GALNT13: variants seen among roughly 807,000 people sequenced by gnomAD.
The protein encoded by GALNT13 is polypeptide N-acetylgalactosaminyltransferase 13.
GALNT13 carries 28 observed loss-of-function variants against 64.2 expected under a neutral mutation model. That is an observed-to-expected ratio of 0.44 (90% CI 0.32 to 0.60). The LOEUF (loss-of-function observed/expected upper bound fraction) is 0.60. Among genes scored for constraint, GALNT13 ranks in the 20% least tolerant of loss-of-function variants. The probability of loss-of-function intolerance (pLI) is 0.05; values close to 1 mark genes in which losing one functional copy is unlikely to be tolerated. For missense variants in GALNT13, 577 were observed against 669.8 expected (o/e 0.86, Z 1.53); for synonymous variants, 214 against 224.6 (o/e 0.95, Z 0.42).
chr2:154,385,061 A>G (rs1344859648), intron 9 of GALNT13, among the ~76,000 whole-genome samples: 2 of 152,004 alleles, frequency 1.3e-5, no homozygotes, highest in African/African-American at 4.8e-5. Flanking sequence ...CAATGGTAAG[A>G]TATCATTGAT....
At chr2:154,161,030 T>C (rs1384976730) in intron 4 of GALNT13, among the ~76,000 whole-genome samples, 3 of 152,182 alleles carry the variant, frequency 2.0e-5, no homozygotes, top group African/African-American at 7.2e-5. Context: ...ACCACATTTA[T>C]CTGTTACCGC....
chr2:153,704,790 T>C, the GALNT13 span, among the ~76,000 whole-genome samples: 1 of 152,182 alleles, frequency 6.6e-6, no homozygotes, highest in Non-Finnish European at 1.5e-5. Context: ...CCAAATATTT[T>C]CATACAGATT....
the GALNT13 span, among the ~76,000 whole-genome samples, chr2:153,255,981 T>A: frequency 5.3e-5 from 8 of 152,180 alleles, no homozygotes; most frequent in Non-Finnish European, 1.0e-4. Context: ...CTTTGTGGCG[T>A]TCTCTGTATT....
intron 4 of GALNT13, among the ~76,000 whole-genome samples, chr2:154,159,735 T>C (rs750528087): frequency 4.6e-5 from 7 of 152,044 alleles, no homozygotes; most frequent in Non-Finnish European, 1.0e-4. Flanking sequence ...AAAAGAGAAA[T>C]TGAAAATAGT....
the GALNT13 span, among the ~76,000 whole-genome samples, chr2:153,461,259 A>G: frequency 6.6e-6 from 1 of 152,132 alleles, no homozygotes; most frequent in Non-Finnish European, 1.5e-5. Flanking sequence ...CATGCAGGAA[A>G]AAAAGGAAAG....
the GALNT13 span, among the ~76,000 whole-genome samples, chr2:153,154,750 A>G: frequency 1.3e-5 from 2 of 152,164 alleles, no homozygotes; most frequent in Non-Finnish European, 2.9e-5. Context: ...TGCCCTGGCC[A>G]GAACTTCCAA....
the GALNT13 span, among the ~76,000 whole-genome samples, chr2:153,844,413 C>G: frequency 6.6e-6 from 1 of 152,188 alleles, no homozygotes; most frequent in Admixed American, 6.5e-5. Context: ...ATGTGGAGAG[C>G]ATTGTCCCAA....
intron 9 of GALNT13, among the ~76,000 whole-genome samples, chr2:154,333,999 A>G (rs1195206551): frequency 6.6e-6 from 1 of 152,036 alleles, no homozygotes; most frequent in Non-Finnish European, 1.5e-5. Flanking sequence ...AGCTGAGTTC[A>G]TTATGTTGAA....
At chr2:153,115,346 C>A in the GALNT13 span, among the ~76,000 whole-genome samples, 1 of 152,012 alleles carries the variant, frequency 6.6e-6, no homozygotes. Context: ...GTTTATGATC[C>A]CAAGTGCAAT....
chr2:153,939,397 C>G (rs1373518247), intron 2 of GALNT13, among the ~76,000 whole-genome samples: 1 of 152,310 alleles, frequency 6.6e-6, no homozygotes, highest in East Asian at 1.9e-4. Context: ...GCTCTCTTAT[C>G]TGGTGAACTT....
intron 8 of GALNT13, among the ~76,000 whole-genome samples, chr2:154,290,094 C>T (rs903748495): frequency 6.6e-5 from 10 of 152,312 alleles, no homozygotes; most frequent in Middle Eastern, 6.8e-3. Flanking sequence ...CATGCACAAG[C>T]TACTCCCAGT....
At chr2:153,449,066 C>T in the GALNT13 span, among the ~76,000 whole-genome samples, 1 of 152,104 alleles carries the variant, frequency 6.6e-6, no homozygotes, top group Non-Finnish European at 1.5e-5. Context: ...CTGTCTCTCT[C>T]TCTCCTGTGC....
chr2:153,982,723 A>G (rs1420957040), intron 3 of GALNT13, among the ~76,000 whole-genome samples: 1 of 152,058 alleles, frequency 6.6e-6, no homozygotes, highest in Non-Finnish European at 1.5e-5. Flanking sequence ...GACATGTTCA[A>G]TAATCTTGAG....
chr2:153,135,938 C>A, the GALNT13 span, among the ~76,000 whole-genome samples: 1 of 151,930 alleles, frequency 6.6e-6, no homozygotes, highest in Non-Finnish European at 1.5e-5. Context: ...TACGAAACTC[C>A]AGATGGCTTG....
intron 4 of GALNT13, among the ~76,000 whole-genome samples, chr2:154,218,253 G>A (rs1216012823): frequency 6.6e-6 from 1 of 152,060 alleles, no homozygotes; most frequent in Non-Finnish European, 1.5e-5. Context: ...CTTTGAACAG[G>A]TGATTCCCTA....
the GALNT13 span, among the ~76,000 whole-genome samples, chr2:153,861,635 T>C: frequency 2.0e-5 from 3 of 147,964 alleles, no homozygotes; most frequent in South Asian, 2.1e-4. Context: ...CATACGATCC[T>C]GGCTCATCGC....
At chr2:154,360,877 G>C (rs907938352) in intron 9 of GALNT13, among the ~76,000 whole-genome samples, 2 of 152,048 alleles carry the variant, frequency 1.3e-5, no homozygotes, top group Non-Finnish European at 2.9e-5. Context: ...GCCAAAAAGG[G>C]TTGAGGCATT....
At chr2:153,127,956 A>G in the GALNT13 span, among the ~76,000 whole-genome samples, 4 of 152,228 alleles carry the variant, frequency 2.6e-5, no homozygotes, top group Non-Finnish European at 4.4e-5. Flanking sequence ...TAGTGATTAC[A>G]ATAGCCATAA....
At chr2:153,103,356 A>G in the GALNT13 span, among the ~76,000 whole-genome samples, 1 of 152,086 alleles carries the variant, frequency 6.6e-6, no homozygotes, top group South Asian at 2.1e-4. Context: ...CTTCAAAACT[A>G]CTCATGTCTG....
Sources: allele counts gnomAD v4.1 joint callset (sites outside exome capture counted in the v4.1 genomes callset), GRCh38; gene constraint gnomAD v4.1.1; transcripts MANE v1.5; gene names NCBI Gene and HGNC (gene_info 2026-07-23, HGNC 2026-07-21).